Variants in KCNH8 observed in about 807,000 individuals in gnomAD.
KCNH8 encodes the protein voltage-gated delayed rectifier potassium channel KCNH8.
In KCNH8, 70 loss-of-function variants were observed where a neutral mutation model predicts 103.6. The observed-to-expected ratio is 0.68, with a 90% CI of 0.56 to 0.82. KCNH8 has a LOEUF of 0.82. Among genes scored for constraint, KCNH8 ranks in the 40% least tolerant of loss-of-function variants. The pLI, the probability that KCNH8 is intolerant of heterozygous loss-of-function variation, is 0.00. For synonymous variants in KCNH8, 498 were observed against 489.4 expected (o/e 1.02, Z -0.23); for missense variants, 1,217 against 1,329.9 (o/e 0.92, Z 1.32).
chr3:19,459,111 C>T (rs772232224), intron 11 of KCNH8, among the ~76,000 whole-genome samples: 3 of 151,888 alleles, frequency 2.0e-5, no homozygotes, highest in Non-Finnish European at 4.4e-5. Flanking sequence ...TGGATATATA[C>T]CCAGTATTAG....
rs138386486 is a variant in KCNH8 at position 19,172,421 on chromosome 3, A to G, written c.76+23626A>G. Among the ~76,000 whole-genome samples, 1,271 of 152,320 alleles carry G rather than the reference A, an allele frequency of 8.3e-3. 65 individuals are homozygous for G. The highest frequency in any genetic ancestry group is 0.077 in the Admixed American group (1,174 of 15,292). On this transcript the variant is annotated intron_variant, in intron 1 of 15. Transcript: ENST00000328405. ...AGTAGATATAAAAAAAAGTTTTTAA[A>G]CTGATAAGTGTGAAAGAAGAATAAT...
intron 5 of KCNH8, among the ~76,000 whole-genome samples, chr3:19,361,631 T>C (rs1271754589): frequency 6.6e-6 from 1 of 152,170 alleles, no homozygotes; most frequent in Non-Finnish European, 1.5e-5. Context: ...CATTTGTGCT[T>C]GTAATACCAA....
intron 3 of KCNH8, among the ~76,000 whole-genome samples, chr3:19,331,713 C>G (rs1465530822): frequency 6.6e-6 from 1 of 152,158 alleles, no homozygotes; most frequent in Non-Finnish European, 1.5e-5. Context: ...TCCATCCCCT[C>G]AAGCATTTAT....
intron 15 of KCNH8, among the ~76,000 whole-genome samples, chr3:19,528,791 A>G (rs1184641348): frequency 6.6e-6 from 1 of 152,076 alleles, no homozygotes; most frequent in Non-Finnish European, 1.5e-5. Flanking sequence ...TACATTGAAG[A>G]TTTGCTGAGT....
intron 1 of KCNH8, among the ~76,000 whole-genome samples, chr3:19,202,238 T>A (rs2063670633): frequency 6.6e-6 from 1 of 152,146 alleles, no homozygotes; most frequent in Admixed American, 6.6e-5. Flanking sequence ...TAGCATGTAT[T>A]TGAAGTTTTC....
At chr3:19,237,549 A>G (rs1241275472) in intron 1 of KCNH8, among the ~76,000 whole-genome samples, 3 of 152,252 alleles carry the variant, frequency 2.0e-5, no homozygotes, top group African/African-American at 7.2e-5. Flanking sequence ...TGCATTGAAT[A>G]TTAGTGTGTT....
At chr3:19,251,219 A>T (rs2064273159) in intron 1 of KCNH8, among the ~76,000 whole-genome samples, 1 of 152,152 alleles carries the variant, frequency 6.6e-6, no homozygotes, top group South Asian at 2.1e-4. Context: ...CATCTAATGA[A>T]CTTTTTGCAT....
rs187193649 is a variant in KCNH8, at chr3:19,214,342, C to T, written c.77-39312C>T. 2.1e-3 allele frequency among the ~76,000 whole-genome samples: 324 copies of T among 152,344 alleles called. 1 individual carries two copies. The highest frequency in any genetic ancestry group is 7.5e-3 in the African/African-American group (313 of 41,580). On this transcript the variant is annotated intron_variant, in intron 1 of 15. Coordinates refer to ENST00000328405, the MANE Select transcript of KCNH8 (RefSeq NM_144633.3). Reference sequence around the variant, plus strand: ...TGGATCCAGATTGCTATAGGACCATCCCATAGCTGCTAGGAGCATTGGCCA... The same window carrying T: ...TGGATCCAGATTGCTATAGGACCATTCCATAGCTGCTAGGAGCATTGGCCA...
Position 19,148,625 on chromosome 3 carries a change from C to G in KCNH8, c.-95C>G, listed in dbSNP as rs957525520. 6 of 1,207,556 alleles carry G rather than the reference C, an allele frequency of 5.0e-6. No individual in the cohort carries two copies. The highest frequency in any genetic ancestry group is 4.4e-5 in the African/African-American group (3 of 67,556). The allele number at this position is 1,207,556 out of a possible 1,614,324, so 74.8% of individuals were successfully genotyped here. ...GTCAGGCCGGGTCCCCCTTCCCTGC[C>G]GTCATCAGGTTCCCCTTCTCCCTTC... On this transcript the variant is annotated 5_prime_UTR_variant, in exon 1 of 16. Coordinates refer to ENST00000328405, the MANE Select transcript of KCNH8 (RefSeq NM_144633.3).
At chr3:19,292,293 G>T (rs1022926915) in intron 3 of KCNH8, among the ~76,000 whole-genome samples, 54 of 152,166 alleles carry the variant, frequency 3.5e-4, no homozygotes, top group African/African-American at 1.3e-3. Flanking sequence ...CTTCAAATTT[G>T]TTTTGAGAAT....
intron 1 of KCNH8, among the ~76,000 whole-genome samples, chr3:19,182,631 G>T (rs539597058): frequency 7.2e-5 from 11 of 152,312 alleles, no homozygotes; most frequent in Admixed American, 7.2e-4. Flanking sequence ...GCATGGACTA[G>T]CCTCTAGCAC....
chr3:19,523,676 A>G (rs1318107912), intron 15 of KCNH8, among the ~76,000 whole-genome samples: 2 of 151,908 alleles, frequency 1.3e-5, no homozygotes, highest in Non-Finnish European at 2.9e-5. Context: ...AACTAATTCC[A>G]TGGGCACAGT....
rs192119197 is a variant in KCNH8, at chr3:19,477,757, A to C, written c.2040+20775A>C. Reference sequence around the variant, plus strand: ...TGTCTTACTATGAGTTATCAAATACATCTTCTTCTTTAAATCTATTTATTT... The same window carrying C: ...TGTCTTACTATGAGTTATCAAATACCTCTTCTTCTTTAAATCTATTTATTT... On this transcript the variant is annotated intron_variant, in intron 11 of 15. Transcript: ENST00000328405. Among the ~76,000 whole-genome samples the C allele has an allele frequency of 4.3e-3, 656 of 152,306 alleles. 3 individuals carry two copies. The highest frequency in any genetic ancestry group is 7.1e-3 in the Admixed American group (109 of 15,292).
chr3:19,437,217 T>C (rs1266945076), intron 7 of KCNH8, among the ~76,000 whole-genome samples: 1 of 151,718 alleles, frequency 6.6e-6, no homozygotes, highest in Non-Finnish European at 1.5e-5. Context: ...TGAGCTGCAT[T>C]GTTATTGCTT....
At chr3:19,239,458 T>C (rs2064107506) in intron 1 of KCNH8, among the ~76,000 whole-genome samples, 2 of 152,234 alleles carry the variant, frequency 1.3e-5, no homozygotes, top group South Asian at 4.1e-4. Context: ...TCAAACTGAC[T>C]TATCCAAATA....
chr3:19,387,227 A>T (rs1054019101), intron 5 of KCNH8, among the ~76,000 whole-genome samples: 4 of 152,120 alleles, frequency 2.6e-5, no homozygotes, highest in African/African-American at 9.7e-5. Flanking sequence ...GGTACTGCTG[A>T]TGCTGAATTT....
intron 11 of KCNH8, among the ~76,000 whole-genome samples, chr3:19,500,933 G>C (rs2068567850): frequency 6.6e-6 from 1 of 152,096 alleles, no homozygotes; most frequent in Admixed American, 6.6e-5. Context: ...GATCAGAGCA[G>C]AACTGAAGGA....
intron 1 of KCNH8, among the ~76,000 whole-genome samples, chr3:19,238,810 G>C (rs2064097692): frequency 6.6e-6 from 1 of 152,172 alleles, no homozygotes; most frequent in Admixed American, 6.5e-5. Flanking sequence ...TTTGGTACAA[G>C]TCTTCAAGAT....
intron 2 of KCNH8, among the ~76,000 whole-genome samples, chr3:19,256,061 T>C (rs1239813800): frequency 6.6e-6 from 1 of 152,150 alleles, no homozygotes; most frequent in Non-Finnish European, 1.5e-5. Flanking sequence ...ACCTTGCCAC[T>C]GTTGACATTT....
Sources: gnomAD v4.1 joint callset for allele counts (sites outside exome capture counted in the v4.1 genomes callset) on GRCh38, gnomAD v4.1.1 for gene constraint, MANE v1.5 for transcripts, NCBI Gene and HGNC (gene_info 2026-07-23, HGNC 2026-07-21) for gene names.